The following COL14A1 variants were observed in gnomAD, a reference collection of about 807,000 sequenced individuals.
The protein encoded by COL14A1 is collagen type XIV alpha 1 chain, also known as collagen alpha-1(XIV) chain.
In COL14A1, 136 loss-of-function variants were observed where a neutral mutation model predicts 230.3. The observed-to-expected ratio is 0.59, with a 90% CI of 0.51 to 0.68. The LOEUF is 0.68. COL14A1 is among the 30% of genes least tolerant of loss of function. The pLI, the probability that COL14A1 is intolerant of heterozygous loss-of-function variation, is 0.00. For missense variants in COL14A1, 1,976 were observed against 2,215.8 expected, an observed-to-expected ratio of 0.89 and a Z score of 2.17; for synonymous variants, 792 against 784.1, an observed-to-expected ratio of 1.01 and a Z score of -0.17.
intron 24 of COL14A1, among the ~76,000 whole-genome samples, chr8:120,263,822 C>T (rs933550923): frequency 1.3e-5 from 2 of 151,974 alleles, no homozygotes; most frequent in Admixed American, 6.6e-5. Flanking sequence ...CTCTCTGGCA[C>T]TTGCAGAGGG....
intron 45 of COL14A1, among the ~76,000 whole-genome samples, chr8:120,362,284 C>T (rs566360048): frequency 1.8e-3 from 268 of 152,260 alleles, no homozygotes; most frequent in Middle Eastern, 0.014. Flanking sequence ...AGTGCCTGCC[C>T]TCTTGGCTCA....
intron 42 of COL14A1, among the ~76,000 whole-genome samples, chr8:120,334,620 C>T (rs544282403): frequency 3.6e-5 from 2 of 55,072 alleles, no homozygotes; most frequent in South Asian, 1.6e-3. Context: ...ACACACACAC[C>T]TGTCTTCATT....
chr8:120,279,396 C>T (rs1350578697), intron 28 of COL14A1, among the ~76,000 whole-genome samples: 2 of 151,936 alleles, frequency 1.3e-5, no homozygotes, highest in Admixed American at 1.3e-4. Context: ...AGAAATTCCT[C>T]AGCCTCTTAA....
intron 33 of COL14A1, 107 bp from the exon 34 acceptor site, chr8:120,289,501 C>A (rs898272597): frequency 3.1e-6 from 3 of 969,298 alleles, no homozygotes; most frequent in South Asian, 1.9e-5. Context: ...TGACAGAATT[C>A]TTTCTCTTCT....
At chr8:120,326,025 T>G (rs28526109) in intron 40 of COL14A1, among the ~76,000 whole-genome samples, 4,431 of 152,204 alleles carry the variant, frequency 0.029, 224 homozygotes, top group African/African-American at 0.1. Context: ...TTTACAAAAT[T>G]TTTCCTTTCA....
chr8:120,269,221 C>CA (rs1819586728), intron 25 of COL14A1, among the ~76,000 whole-genome samples: 1 of 151,726 alleles, frequency 6.6e-6, no homozygotes, highest in Admixed American at 6.6e-5. Flanking sequence ...AAAACAGATT[C>CA]AACTGCAATG....
chr8:120,178,899 C>A (rs1380217591), intron 5 of COL14A1, among the ~76,000 whole-genome samples: 1 of 151,522 alleles, frequency 6.6e-6, no homozygotes, highest in African/African-American at 2.4e-5. Context: ...CTGTTTATAT[C>A]CTTCTCCCAC....
At chr8:120,190,186 G>A (rs1457318819) in intron 5 of COL14A1, among the ~76,000 whole-genome samples, 1 of 152,060 alleles carries the variant, frequency 6.6e-6, no homozygotes, top group Non-Finnish European at 1.5e-5. Context: ...TCTAACTGGT[G>A]TGAGATGGTA....
chr8:120,275,412 C>CT (rs1022113031), intron 26 of COL14A1, among the ~76,000 whole-genome samples: 6 of 151,764 alleles, frequency 4.0e-5, no homozygotes, highest in East Asian at 1.9e-4. Context: ...GCGAAAAACT[C>CT]TTCTGGACAT....
At chr8:120,256,750 C>T (rs1023720492) in intron 23 of COL14A1, among the ~76,000 whole-genome samples, 51 of 152,280 alleles carry the variant, frequency 3.3e-4, no homozygotes, top group African/African-American at 7.7e-4. Flanking sequence ...CTTTAAGTCA[C>T]GCTTTAATAT....
At chr8:120,363,559 C>A (rs6469921) in intron 45 of COL14A1, among the ~76,000 whole-genome samples, 36,710 of 151,998 alleles carry the variant, frequency 0.24, 6,705 homozygotes, top group African/African-American at 0.51. Context: ...CACGTTCTGC[C>A]CATGTAGCCC....
chr8:120,315,398 A>T, intron 38 of COL14A1, 135 bp from the exon 39 acceptor site: 1 of 333,032 alleles, frequency 3.0e-6, no homozygotes, highest in Non-Finnish European at 5.5e-6. Context: ...AAAAAAGTGT[A>T]TATATATATA....
intron 12 of COL14A1, among the ~76,000 whole-genome samples, chr8:120,212,108 G>T (rs927554599): frequency 6.6e-6 from 1 of 152,224 alleles, no homozygotes; most frequent in Non-Finnish European, 1.5e-5. Flanking sequence ...GGAGCTCACA[G>T]TCTCTAGAGA....
At chr8:120,354,583 C>G (rs916875429) in intron 45 of COL14A1, among the ~76,000 whole-genome samples, 2 of 152,102 alleles carry the variant, frequency 1.3e-5, no homozygotes, top group African/African-American at 4.8e-5. Context: ...GAAGATTGCA[C>G]TTTTGCTCCA....
chr8:120,152,854 C>T (rs1229307803), intron 2 of COL14A1, among the ~76,000 whole-genome samples: 18 of 152,154 alleles, frequency 1.2e-4, no homozygotes. Context: ...TAAAATAACT[C>T]ATTTAAAAAC....
At chr8:120,244,309 A>G (rs1818699773) in intron 20 of COL14A1, among the ~76,000 whole-genome samples, 2 of 152,346 alleles carry the variant, frequency 1.3e-5, no homozygotes, top group Admixed American at 6.5e-5. Flanking sequence ...TGTATTCTGC[A>G]TGCCTGATCT....
chr8:120,125,599 G>T (rs906606185), intron 1 of COL14A1, among the ~76,000 whole-genome samples: 1 of 152,124 alleles, frequency 6.6e-6, no homozygotes, highest in Admixed American at 6.5e-5. Context: ...AATACCATGT[G>T]CTGCTCCGGG....
At chr8:120,267,974 A>G (rs1819546771) in intron 25 of COL14A1, among the ~76,000 whole-genome samples, 1 of 151,830 alleles carries the variant, frequency 6.6e-6, no homozygotes, top group African/African-American at 2.4e-5. Flanking sequence ...TGCCTGTTAC[A>G]TACCAGGGAA....
At position 120,305,678 on chromosome 8, in the gene COL14A1, C is replaced by T. The variant is rs188112007; in HGVS notation, c.4402-4331C>T. Among the ~76,000 whole-genome samples, 568 of 152,084 alleles carry T rather than the reference C, an allele frequency of 3.7e-3. 3 individuals carry two copies. Among genetic ancestry groups the T allele is most frequent in the African/African-American group, 0.013 (521 of 41,500 alleles). On this transcript the variant is annotated intron_variant, in intron 36 of 47. Coordinates refer to ENST00000297848, the MANE Select transcript of COL14A1 (RefSeq NM_021110.4). ...ACATCCACAACTTTAATTTTACTTT[C>T]TTGGTTTTTCTTAATTTCTTAATTT...
Sources: gnomAD v4.1 joint callset for allele counts (sites outside exome capture counted in the v4.1 genomes callset) on GRCh38, gnomAD v4.1.1 for gene constraint, MANE v1.5 for transcripts, NCBI Gene and HGNC (gene_info 2026-07-23, HGNC 2026-07-21) for gene names.